CFDP1: variants seen among roughly 807,000 people sequenced by gnomAD.
CFDP1 encodes chromatin remodeling protein CFDP1, also known as heterochromatin-stabilizing protein CFDP1.
Under a neutral mutation model 40.1 loss-of-function variants are expected in CFDP1, and 31 were observed. The ratio of observed to expected loss-of-function variants is 0.77; its 90% confidence interval spans 0.58 to 1.04. The LOEUF is 1.04. Ranked by LOEUF, CFDP1 falls within the 50% of genes least tolerant of loss-of-function variation. The pLI is 0.00. For missense variants in CFDP1, 423 were observed against 343.4 expected (o/e 1.23, Z -1.83); for synonymous variants, 167 against 120.0 (o/e 1.39, Z -2.56).
intron 5 of CFDP1, among the ~76,000 whole-genome samples, chr16:75,356,390 T>C (rs527300048): frequency 6.6e-6 from 1 of 152,328 alleles, no homozygotes; most frequent in South Asian, 2.1e-4. Flanking sequence ...GGGTACACTG[T>C]CAATGAGCAG....
intron 5 of CFDP1, among the ~76,000 whole-genome samples, chr16:75,323,779 CAA>C (rs5817940): frequency 2.9e-5 from 4 of 136,074 alleles, no homozygotes; most frequent in Non-Finnish European, 1.6e-5. Context: ...AGCTCTGTCT[CAA>C]AAAAAAAAAA....
intron 5 of CFDP1, among the ~76,000 whole-genome samples, chr16:75,378,790 C>A (rs2078825763): frequency 6.6e-6 from 1 of 152,136 alleles, no homozygotes. Flanking sequence ...GGGGTAAAAA[C>A]AAAGATACTG....
chr16:75,315,692 T>C (rs1009904684), intron 5 of CFDP1, among the ~76,000 whole-genome samples: 1 of 152,222 alleles, frequency 6.6e-6, no homozygotes, highest in Admixed American at 6.5e-5. Flanking sequence ...TCTTTCTATA[T>C]ATAGATTTAC....
At chr16:75,405,390 G>T (rs1411705564) in intron 4 of CFDP1, among the ~76,000 whole-genome samples, 1 of 152,136 alleles carries the variant, frequency 6.6e-6, no homozygotes, top group Non-Finnish European at 1.5e-5. Flanking sequence ...CACTTTGGGA[G>T]GCCAAGCAGG....
chr16:75,323,374 C>T (rs2078379409), intron 5 of CFDP1, among the ~76,000 whole-genome samples: 1 of 151,642 alleles, frequency 6.6e-6, no homozygotes, highest in Non-Finnish European at 1.5e-5. Flanking sequence ...TCTCCTATGA[C>T]AACAATGCTT....
chr16:75,340,320 G>C (rs1166470727), intron 5 of CFDP1, among the ~76,000 whole-genome samples: 3 of 152,044 alleles, frequency 2.0e-5, no homozygotes, highest in Non-Finnish European at 4.4e-5. Context: ...ATTCATTTTT[G>C]GTTACTCAAA....
chr16:75,319,047 C>T (rs372594987), intron 5 of CFDP1, among the ~76,000 whole-genome samples: 4 of 151,590 alleles, frequency 2.6e-5, no homozygotes, highest in African/African-American at 9.8e-5. Context: ...ACCAAACTTA[C>T]TTTATTTATT....
At chr16:75,365,389 G>T (rs574908181) in intron 5 of CFDP1, among the ~76,000 whole-genome samples, 10 of 152,284 alleles carry the variant, frequency 6.6e-5, no homozygotes, top group African/African-American at 2.4e-4. Flanking sequence ...GCAGAAATTG[G>T]AGTGGATTCA....
At chr16:75,382,987 T>A (rs1302445070) in intron 5 of CFDP1, among the ~76,000 whole-genome samples, 1 of 152,226 alleles carries the variant, frequency 6.6e-6, no homozygotes, top group Non-Finnish European at 1.5e-5. Context: ...ACATTTCAAA[T>A]TCAAGGAAAT....
At chr16:75,324,149 T>C (rs2078386561) in intron 5 of CFDP1, among the ~76,000 whole-genome samples, 1 of 152,074 alleles carries the variant, frequency 6.6e-6, no homozygotes, top group Non-Finnish European at 1.5e-5. Context: ...AAACAAGCAA[T>C]TACATTAGGA....
chr16:75,367,776 G>A (rs1368013251), intron 5 of CFDP1, among the ~76,000 whole-genome samples: 2 of 130,318 alleles, frequency 1.5e-5, no homozygotes, highest in African/African-American at 2.9e-5. Flanking sequence ...CTGGGCGACA[G>A]AGTGACACTC....
chr16:75,343,895 T>C (rs1297857501), intron 5 of CFDP1, among the ~76,000 whole-genome samples: 2 of 152,174 alleles, frequency 1.3e-5, no homozygotes, highest in Non-Finnish European at 1.5e-5. Flanking sequence ...ATGCGACATT[T>C]TATGCAGAAT....
chr16:75,421,880 T>C (rs576511066), intron 1 of CFDP1, among the ~76,000 whole-genome samples: 4 of 152,288 alleles, frequency 2.6e-5, no homozygotes, highest in Non-Finnish European at 4.4e-5. Flanking sequence ...CCACAGATGT[T>C]CAAGTCCCTG....
chr16:75,340,826 T>C (rs1234981948), intron 5 of CFDP1, among the ~76,000 whole-genome samples: 1 of 152,058 alleles, frequency 6.6e-6, no homozygotes, highest in African/African-American at 2.4e-5. Flanking sequence ...AAGGATGAGG[T>C]CAATGCGAGG....
At chr16:75,424,318 T>A (rs1343746799) in intron 1 of CFDP1, among the ~76,000 whole-genome samples, 1 of 152,180 alleles carries the variant, frequency 6.6e-6, no homozygotes, top group Non-Finnish European at 1.5e-5. Context: ...GCACGTACAG[T>A]GTTAGGTGAC....
At chr16:75,325,024 T>C (rs1052191587) in intron 5 of CFDP1, 5 of 152,228 alleles carry the variant, frequency 3.3e-5, no homozygotes, top group Non-Finnish European at 5.9e-5. Context: ...GGGAGTCTTC[T>C]AGCATGGAAA....
intron 5 of CFDP1, among the ~76,000 whole-genome samples, chr16:75,307,189 T>C (rs1353335218): frequency 6.6e-6 from 1 of 152,182 alleles, no homozygotes; most frequent in Non-Finnish European, 1.5e-5. Flanking sequence ...TGCTTAAATG[T>C]CTCTTCACTG....
At chr16:75,432,863 A>G (rs1336892064) in intron 1 of CFDP1, among the ~76,000 whole-genome samples, 3 of 152,122 alleles carry the variant, frequency 2.0e-5, no homozygotes, top group Non-Finnish European at 4.4e-5. Flanking sequence ...GAACTTTCTA[A>G]CAACCAGGCG....
chr16:75,312,190 G>C (rs1183823186), intron 5 of CFDP1, among the ~76,000 whole-genome samples: 1 of 152,108 alleles, frequency 6.6e-6, no homozygotes, highest in African/African-American at 2.4e-5. Context: ...GACCCCTCAA[G>C]GAAATGGACT....
Sources: gnomAD v4.1 joint callset for allele counts (sites outside exome capture counted in the v4.1 genomes callset) on GRCh38, gnomAD v4.1.1 for gene constraint, MANE v1.5 for transcripts, NCBI Gene and HGNC (gene_info 2026-07-23, HGNC 2026-07-21) for gene names.